CTNNA3: variants seen among roughly 807,000 people sequenced by gnomAD.
CTNNA3 encodes the protein catenin alpha 3.
CTNNA3 carries 76 observed loss-of-function variants against 95.7 expected under a neutral mutation model. The ratio of observed to expected loss-of-function variants is 0.79; its 90% CI spans 0.66 to 0.96. The LOEUF (loss-of-function observed/expected upper bound fraction) is 0.96, where lower values mean the gene tolerates loss of function less well. Among genes scored for constraint, CTNNA3 ranks in the 40% least tolerant of loss-of-function variants. The pLI, the probability that CTNNA3 is intolerant of heterozygous loss-of-function variation, is 0.00. For synonymous variants in CTNNA3, 431 were observed against 374.4 expected, an observed-to-expected ratio of 1.15 and a Z score of -1.74; for missense variants, 1,191 against 1,089.8, an observed-to-expected ratio of 1.09 and a Z score of -1.31.
chr10:66,148,333 C>A (rs1442998325), intron 13 of CTNNA3, among the ~76,000 whole-genome samples: 1 of 152,024 alleles, frequency 6.6e-6, no homozygotes, highest in African/African-American at 2.4e-5. Flanking sequence ...AAATGTTGCA[C>A]AAATAGTATC....
At chr10:66,729,967 G>C (rs928224310) in intron 9 of CTNNA3, among the ~76,000 whole-genome samples, 1 of 151,884 alleles carries the variant, frequency 6.6e-6, no homozygotes, top group Non-Finnish European at 1.5e-5. Flanking sequence ...TTAGCCAGGC[G>C]TGGTGGCAGG....
intron 5 of CTNNA3, among the ~76,000 whole-genome samples, chr10:67,504,013 T>C (rs991735329): frequency 1.1e-4 from 16 of 147,278 alleles, no homozygotes; most frequent in Middle Eastern, 3.8e-3. Context: ...AAAAATCAGC[T>C]GGGCATGGTG....
At chr10:66,212,339 T>C (rs1437700368) in intron 13 of CTNNA3, among the ~76,000 whole-genome samples, 3 of 152,182 alleles carry the variant, frequency 2.0e-5, no homozygotes, top group Admixed American at 6.5e-5. Flanking sequence ...TATAGTAATC[T>C]GTTATACATG....
chr10:67,437,364 G>A (rs1238477805), intron 5 of CTNNA3, among the ~76,000 whole-genome samples: 1 of 151,960 alleles, frequency 6.6e-6, no homozygotes, highest in Non-Finnish European at 1.5e-5. Context: ...TACAAATATG[G>A]TGCAGTGTAT....
chr10:66,089,125 G>A (rs982599127), intron 14 of CTNNA3, among the ~76,000 whole-genome samples: 2 of 151,484 alleles, frequency 1.3e-5, no homozygotes, highest in Admixed American at 6.6e-5. Flanking sequence ...TTGGTCTTTG[G>A]TATCACATTT....
intron 7 of CTNNA3, among the ~76,000 whole-genome samples, chr10:67,025,358 A>G (rs966916402): frequency 6.6e-6 from 1 of 151,674 alleles, no homozygotes; most frequent in African/African-American, 2.4e-5. Flanking sequence ...TCCCCAAACT[A>G]AAAACATGGT....
In CTNNA3 at chr10:66,326,112, C is replaced by T. The variant is rs1356494095; in HGVS notation, c.1733-45491G>A. On this transcript the variant is annotated intron_variant, in intron 12 of 17. Transcript: ENST00000433211. ...TAATACAAGTGCAGAGTGCCCTTTA[C>T]AATTTTGAAAGTAATACTTGGGTGT... 2.0e-5 allele frequency among the ~76,000 whole-genome samples: 3 copies of T among 152,060 alleles called. No individual in the cohort carries two copies. The East Asian group carries it at 5.8e-4, about 29-fold the overall frequency.
chr10:66,447,663 C>G (rs1161073673), intron 11 of CTNNA3, among the ~76,000 whole-genome samples: 1 of 152,074 alleles, frequency 6.6e-6, no homozygotes, highest in African/African-American at 2.4e-5. Context: ...ACACCTTATA[C>G]AAAAATTAAT....
At position 67,521,849 on chromosome 10, in the gene CTNNA3, C is replaced by T. The variant is rs748122512; in HGVS notation, c.572G>A (p.Arg191His). The T allele has an allele frequency of 9.9e-6, 16 of 1,613,302 alleles. 1 individual carries two copies. Among genetic ancestry groups the T allele is most frequent in the Middle Eastern group, 1.6e-4 (1 of 6,082 alleles). The part of the protein sequence containing the change: ...LENLDYLAFK[R>H]QQDLKSPNQR... ...GAGAGCTCTGACTCCTACCTGCTGA[C>T]GTTTGAAGGCTAAATAATCCAAATT... Residue 191 changes from arginine to histidine, a missense_variant, in exon 5 of 18, where the codon CGT becomes CAT. By Grantham distance (29) the Arg-to-His change is conservative. Coordinates refer to ENST00000433211, the MANE Select transcript of CTNNA3 (RefSeq NM_013266.4).
At chr10:65,965,031 A>T (rs1047146971) in intron 17 of CTNNA3, among the ~76,000 whole-genome samples, 1 of 152,222 alleles carries the variant, frequency 6.6e-6, no homozygotes, top group East Asian at 1.9e-4. Flanking sequence ...GGCACTAGTA[A>T]TGCACTCACT....
chr10:66,932,581 G>C (rs567441912), intron 7 of CTNNA3, among the ~76,000 whole-genome samples: 86 of 152,166 alleles, frequency 5.7e-4, no homozygotes, highest in African/African-American at 2.0e-3. Flanking sequence ...AGGCAGTTGG[G>C]GGAAACAATG....
chr10:66,192,981 A>T (rs1233514667), intron 13 of CTNNA3, among the ~76,000 whole-genome samples: 2 of 152,156 alleles, frequency 1.3e-5, no homozygotes, highest in African/African-American at 2.4e-5. Flanking sequence ...AACGTCTGAC[A>T]TGTAGGGCCT....
intron 9 of CTNNA3, among the ~76,000 whole-genome samples, chr10:66,673,791 T>A (rs1846749059): frequency 6.6e-6 from 1 of 152,022 alleles, no homozygotes; most frequent in Admixed American, 6.6e-5. Context: ...TTTTTATTTT[T>A]ATTTTTATTT....
intron 11 of CTNNA3, among the ~76,000 whole-genome samples, chr10:66,464,629 G>A (rs1317752666): frequency 6.6e-6 from 1 of 151,964 alleles, no homozygotes; most frequent in Admixed American, 6.6e-5. Flanking sequence ...TGGGTGTGGT[G>A]GTGCGTGCCT....
chr10:66,350,510 G>C (rs2092558667), intron 12 of CTNNA3, among the ~76,000 whole-genome samples: 1 of 148,832 alleles, frequency 6.7e-6, no homozygotes, highest in African/African-American at 2.5e-5. Flanking sequence ...CATAGTCAAT[G>C]AACACAAAAT....
chr10:66,331,667 G>A lies in CTNNA3; in HGVS notation c.1732+47485C>T, dbSNP rs572864305. Among the ~76,000 whole-genome samples, 16 of 152,006 alleles carry A rather than the reference G, an allele frequency of 1.1e-4. No homozygotes were observed. In the East Asian group the frequency reaches 1.5e-3, roughly 15 times the overall value. On this transcript the variant is annotated intron_variant, in intron 12 of 17. Transcript: ENST00000433211. The stretch of plus-strand genomic sequence containing the variant: ...TTCTGTTCCATTGGTCTATATCTTC[G>A]TTTTGGTACCAGTACCATGCTGTTT...
rs879288075 is a variant in CTNNA3, at chr10:66,712,606, T to TCACACACACACACACACACACACA, written c.1281+53657_1281+53658insTGTGTGTGTGTGTGTGTGTGTGTG. 4.4e-4 allele frequency among the ~76,000 whole-genome samples: 66 copies of TCACACACACACACACACACACACA among 149,384 alleles called. No homozygotes were observed. The East Asian group carries it at 7.0e-3, about 16-fold the overall frequency. On this transcript the variant is annotated intron_variant, in intron 9 of 17. Coordinates refer to ENST00000433211, the MANE Select transcript of CTNNA3 (RefSeq NM_013266.4). The stretch of plus-strand genomic sequence containing the variant: ...CACTCTCTCTCCCTCTCTCTCTCTC[T>TCACACACACACACACACACACACA]CTCACACACACAGCAAGAGACATTT...
intron 11 of CTNNA3, among the ~76,000 whole-genome samples, chr10:66,490,440 A>G (rs1839883029): frequency 6.6e-6 from 1 of 152,194 alleles, no homozygotes; most frequent in Admixed American, 6.5e-5. Context: ...CCTGAAACAG[A>G]TCATCTTCCA....
intron 10 of CTNNA3, among the ~76,000 whole-genome samples, chr10:66,606,884 C>T (rs1206549839): frequency 1.3e-5 from 2 of 151,900 alleles, no homozygotes; most frequent in African/African-American, 2.4e-5. Flanking sequence ...CAACAGAAAA[C>T]CAAACACAAA....
Sources: gnomAD v4.1 joint callset for allele counts (sites outside exome capture counted in the v4.1 genomes callset) on GRCh38, gnomAD v4.1.1 for gene constraint, MANE v1.5 for transcripts, NCBI Gene and HGNC (gene_info 2026-07-23, HGNC 2026-07-21) for gene names.